Variants in LRRK2 observed in about 807,000 individuals in gnomAD.
The protein encoded by LRRK2 is leucine rich repeat kinase 2.
A neutral mutation model predicts 302.6 loss-of-function variants in LRRK2; 203 were observed. The ratio of observed to expected loss-of-function variants is 0.67; its 90% CI spans 0.60 to 0.75. The LOEUF (loss-of-function observed/expected upper bound fraction) is 0.75, where lower values mean the gene tolerates loss of function less well. Ranked by LOEUF, LRRK2 falls within the 30% of genes least tolerant of loss-of-function variation. The pLI is 0.00. For synonymous variants in LRRK2, 1,066 were observed against 1,031.9 expected (o/e 1.03, Z -0.63); for missense variants, 2,830 against 2,951.0 (o/e 0.96, Z 0.95).
intron 7 of LRRK2, among the ~76,000 whole-genome samples, chr12:40,246,416 T>C (rs1406235701): frequency 6.6e-6 from 1 of 152,082 alleles, no homozygotes; most frequent in Non-Finnish European, 1.5e-5. Context: ...ATATACCAGG[T>C]GAGTTTTGGC....
Position 40,364,834 on chromosome 12 carries a change from G to A in LRRK2, c.7182-8G>A. On this transcript the variant is annotated splice_region_variant and splice_polypyrimidine_tract_variant and intron_variant, in intron 48 of 50. Coordinates refer to ENST00000298910, the MANE Select transcript of LRRK2 (RefSeq NM_198578.4). ...GTAAAATTATTAATGTATACTTTATGGTTCTAGGGAGGTAATGGTAAAAGA... is the reference window on the plus strand; with the variant it reads ...GTAAAATTATTAATGTATACTTTATAGTTCTAGGGAGGTAATGGTAAAAGA... The A allele has an allele frequency of 6.3e-7, 1 of 1,590,460 alleles. No individual in the cohort carries two copies. The highest frequency in any genetic ancestry group is 8.6e-7 in the Non-Finnish European group (1 of 1,159,876).
chr12:40,307,758 G>C (rs1327735262), intron 28 of LRRK2, among the ~76,000 whole-genome samples: 1 of 148,472 alleles, frequency 6.7e-6, no homozygotes, highest in Non-Finnish European at 1.5e-5. Context: ...ATAATTTATA[G>C]GGTTTTTCTT....
intron 39 of LRRK2, among the ~76,000 whole-genome samples, chr12:40,331,036 AT>A (rs533574756): frequency 4.8e-4 from 72 of 151,314 alleles, no homozygotes; most frequent in Non-Finnish European, 6.5e-4. Flanking sequence ...GTCAATTAGA[AT>A]TTTTTTTTGT....
chr12:40,293,460 C>A, intron 20 of LRRK2, 85 bp from the exon 21 acceptor site: 2 of 833,422 alleles, frequency 2.4e-6, no homozygotes, highest in East Asian at 2.7e-5. Context: ...TCTAATCTTC[C>A]ATGATTGAAC....
chr12:40,249,046 G>A (rs922913459), intron 7 of LRRK2, among the ~76,000 whole-genome samples: 1 of 152,090 alleles, frequency 6.6e-6, no homozygotes, highest in Non-Finnish European at 1.5e-5. Flanking sequence ...TATGATACAG[G>A]ATATTTTCCA....
In LRRK2 at chr12:40,319,989, T is replaced by A; in HGVS notation, c.4829T>A (p.Ile1610Asn). The A allele has an allele frequency of 6.2e-7, 1 of 1,607,882 alleles. No individual in the cohort carries two copies. Among genetic ancestry groups the A allele is most frequent in the African/African-American group, 1.3e-5 (1 of 74,660 alleles). ...TTATTTATGACTCGAATCTTTCAGATTTTGACAGTGAAAGTGGAAGGTTGT... is the reference window on the plus strand; with the variant it reads ...TTATTTATGACTCGAATCTTTCAGAATTTGACAGTGAAAGTGGAAGGTTGT... ...PKWLCKIMAQ[I>N]LTVKVEGCPK... Residue 1610 changes from isoleucine (I) to asparagine (N), a missense_variant and splice_region_variant, in exon 34 of 51, where the codon ATT (isoleucine) becomes AAT (asparagine). Physicochemically the swap from Ile to Asn is moderately radical, Grantham distance 149 (BLOSUM62 -3). Transcript: ENST00000298910.
rs565198001 is a variant in LRRK2 at position 40,249,438 on chromosome 12, T to A, written c.839-388T>A. Reference sequence around the variant, plus strand: ...AGAGTGTTTCAGTAAAATGATTTAATATTGGGTCTTCCAAAAGATGGATTT... The same window carrying A: ...AGAGTGTTTCAGTAAAATGATTTAAAATTGGGTCTTCCAAAAGATGGATTT... On this transcript the variant is annotated intron_variant, in intron 7 of 50. Transcript: ENST00000298910. Among the ~76,000 whole-genome samples, 5 of 152,220 alleles carry A rather than the reference T, an allele frequency of 3.3e-5. No individual in the cohort carries two copies. In the South Asian group the frequency reaches 8.3e-4, roughly 25 times the overall value.
chr12:40,333,125 C>A (rs1204098925), intron 39 of LRRK2, among the ~76,000 whole-genome samples: 1 of 152,044 alleles, frequency 6.6e-6, no homozygotes, highest in African/African-American at 2.4e-5. Context: ...TTGGATTAGA[C>A]CTCTGTCTGT....
chr12:40,259,186 GATA>G (rs1462417654), intron 12 of LRRK2, among the ~76,000 whole-genome samples: 3 of 152,048 alleles, frequency 2.0e-5, no homozygotes, highest in African/African-American at 7.2e-5. Flanking sequence ...AGAAAATGGG[GATA>G]ATAACACCTA....
At chr12:40,291,278 G>T (rs985143935) in intron 20 of LRRK2, among the ~76,000 whole-genome samples, 1 of 151,514 alleles carries the variant, frequency 6.6e-6, no homozygotes, top group African/African-American at 2.4e-5. Flanking sequence ...AGGGCCTGTT[G>T]TGGGGTGGGG....
chr12:40,300,888 A>G (rs1161772144), intron 25 of LRRK2: 1 of 471,142 alleles, frequency 2.1e-6, no homozygotes, highest in Admixed American at 2.3e-5. Context: ...TGTGCCTGTG[A>G]CATTTAAGTT....
intron 49 of LRRK2, chr12:40,365,309 T>A: frequency 2.4e-6 from 1 of 412,872 alleles, no homozygotes; most frequent in Non-Finnish European, 4.4e-6. Flanking sequence ...TTTTTCCTTT[T>A]TACCTAAGGC....
At chr12:40,300,561 G>T (rs186928136) in intron 25 of LRRK2, among the ~76,000 whole-genome samples, 36 of 152,178 alleles carry the variant, frequency 2.4e-4, no homozygotes, top group African/African-American at 7.5e-4. Flanking sequence ...AATGATCAAA[G>T]CCATCTTAAT....
At chr12:40,291,641 C>T (rs897361389) in intron 20 of LRRK2, among the ~76,000 whole-genome samples, 3 of 151,738 alleles carry the variant, frequency 2.0e-5, no homozygotes, top group African/African-American at 7.3e-5. Context: ...TATGGATTAT[C>T]ATATGGTCTG....
chr12:40,287,415 A>T lies in LRRK2; in HGVS notation c.2565A>T (p.Gly855=). The T allele has an allele frequency of 2.5e-6, 4 of 1,612,868 alleles. No individual in the cohort carries two copies. Among genetic ancestry groups the T allele is most frequent in the Non-Finnish European group, 3.4e-6 (4 of 1,179,162 alleles). The part of the protein sequence containing the change: ...RYQMKSAVEE[G]TASGSDGNFS... Reference sequence around the variant, plus strand: ...AGATGAAAAGTGCTGTGGAAGAAGGAACAGCCTCAGGCAGCGATGGAAATT... The same window carrying T: ...AGATGAAAAGTGCTGTGGAAGAAGGTACAGCCTCAGGCAGCGATGGAAATT... The change falls in exon 20 of 51, where the codon GGA becomes GGT. Residue 855 remains glycine (G), a synonymous_variant. Coordinates refer to ENST00000298910, the MANE Select transcript of LRRK2 (RefSeq NM_198578.4).
chr12:40,298,341 C>G lies in LRRK2; in HGVS notation c.3195C>G (p.Val1065=). The change falls in exon 24 of 51, where the codon GTC becomes GTG. Residue 1065 remains valine, a synonymous_variant. Coordinates refer to ENST00000298910, the MANE Select transcript of LRRK2 (RefSeq NM_198578.4). ...LKMSCIANLD[V]SRNDIGPSVV... The stretch of plus-strand genomic sequence containing the variant: ...TGAGTTGTATTGCTAATCTTGATGT[C>G]TCTCGAAATGACATTGGACCCTCAG... The G allele has an allele frequency of 6.2e-7, 1 of 1,613,836 alleles. No individual in the cohort carries two copies. Among genetic ancestry groups the G allele is most frequent in the Middle Eastern group, 1.7e-4 (1 of 6,060 alleles).
At chr12:40,326,483 A>G (rs1235349575) in intron 38 of LRRK2, among the ~76,000 whole-genome samples, 8 of 151,582 alleles carry the variant, frequency 5.3e-5, no homozygotes, top group African/African-American at 1.7e-4. Flanking sequence ...AAAAGAAAAA[A>G]AAAAAGAAAA....
At chr12:40,242,505 C>T (rs1941776115) in intron 6 of LRRK2, among the ~76,000 whole-genome samples, 1 of 151,518 alleles carries the variant, frequency 6.6e-6, no homozygotes, top group African/African-American at 2.4e-5. Context: ...AATATTATGC[C>T]TCCTCTCTTT....
At chr12:40,324,585 T>A (rs980716266) in intron 38 of LRRK2, among the ~76,000 whole-genome samples, 2 of 152,186 alleles carry the variant, frequency 1.3e-5, no homozygotes, top group Admixed American at 1.3e-4. Context: ...TTAATCAAAT[T>A]ACCCCAGAAA....
Sources: gnomAD v4.1 joint callset for allele counts (sites outside exome capture counted in the v4.1 genomes callset) on GRCh38, gnomAD v4.1.1 for gene constraint, MANE v1.5 for transcripts, NCBI Gene and HGNC (gene_info 2026-07-23, HGNC 2026-07-21) for gene names.